Variants in GMDS observed in about 807,000 individuals in gnomAD.
GMDS encodes GDP-mannose 4,6 dehydratase.
GMDS carries 20 observed loss-of-function variants against 49.9 expected under a neutral mutation model. That is an observed-to-expected ratio of 0.40 (90% CI 0.28 to 0.58). The LOEUF is 0.58. Among genes scored for constraint, GMDS ranks in the 20% least tolerant of loss-of-function variants. GMDS has a pLI of 0.42. For missense variants in GMDS, 362 were observed against 481.4 expected (o/e 0.75, Z 2.32); for synonymous variants, 177 against 178.6 (o/e 0.99, Z 0.07).
intron 7 of GMDS, among the ~76,000 whole-genome samples, chr6:1,882,946 T>A (rs1444402085): frequency 1.3e-5 from 2 of 152,204 alleles, no homozygotes; most frequent in African/African-American, 4.8e-5. Context: ...AGAAACTGTG[T>A]ATGTAATCTA....
intron 7 of GMDS, among the ~76,000 whole-genome samples, chr6:1,882,408 T>C (rs1185150727): frequency 6.6e-6 from 1 of 152,234 alleles, no homozygotes; most frequent in African/African-American, 2.4e-5. Context: ...TAAGTACAAC[T>C]GTATACACTC....
intron 1 of GMDS, among the ~76,000 whole-genome samples, chr6:2,180,847 A>C (rs1778487029): frequency 6.6e-6 from 1 of 152,166 alleles, no homozygotes; most frequent in East Asian, 1.9e-4. Context: ...TTCCTCTCCA[A>C]GTCATTTGTA....
intron 1 of GMDS, among the ~76,000 whole-genome samples, chr6:2,217,067 A>C (rs1422281620): frequency 1.3e-5 from 2 of 152,210 alleles, no homozygotes; most frequent in African/African-American, 4.8e-5. Flanking sequence ...CTGAGCGCTC[A>C]GCACGTGGAC....
At chr6:2,057,703 T>C (rs952073650) in intron 4 of GMDS, among the ~76,000 whole-genome samples, 2 of 152,176 alleles carry the variant, frequency 1.3e-5, no homozygotes, top group Admixed American at 1.3e-4. Context: ...CAGGGAGGTA[T>C]GGAGAAATAA....
chr6:1,898,072 CTGGCCTCCCTTGCCA>C, intron 7 of GMDS, among the ~76,000 whole-genome samples: 1 of 129,134 alleles, frequency 7.7e-6, no homozygotes, highest in African/African-American at 2.8e-5. Context: ...GACACCTACC[CTGGCCTCCCTTGCCA>C]TCCTGGACAC....
intron 1 of GMDS, among the ~76,000 whole-genome samples, chr6:2,146,140 T>C (rs1185389011): frequency 6.6e-6 from 1 of 152,248 alleles, no homozygotes; most frequent in Non-Finnish European, 1.5e-5. Context: ...CAAAGTTTGA[T>C]AAACTACCAA....
chr6:2,056,398 G>A (rs1054735039), intron 4 of GMDS, among the ~76,000 whole-genome samples: 2 of 152,236 alleles, frequency 1.3e-5, no homozygotes, highest in African/African-American at 2.4e-5. Flanking sequence ...TGTTTTTCTT[G>A]AGTTCCATCT....
chr6:1,698,113 T>C (rs1765406430), intron 9 of GMDS, among the ~76,000 whole-genome samples: 1 of 152,222 alleles, frequency 6.6e-6, no homozygotes, highest in African/African-American at 2.4e-5. Flanking sequence ...CACCAGAGTC[T>C]CACTTCCTCT....
At chr6:2,242,394 C>T (rs796872459) in intron 1 of GMDS, among the ~76,000 whole-genome samples, 26 of 152,314 alleles carry the variant, frequency 1.7e-4, no homozygotes, top group African/African-American at 6.0e-4. Flanking sequence ...AAGGTTCCCA[C>T]TTTGGAAAAG....
chr6:1,742,679 G>A, intron 7 of GMDS, 93 bp from the exon 8 acceptor site: 1 of 679,570 alleles, frequency 1.5e-6, no homozygotes, highest in Non-Finnish European at 2.7e-6. Flanking sequence ...GACATCGACA[G>A]CTGGAACATG....
chr6:2,215,275 G>A (rs1244586924), intron 1 of GMDS, among the ~76,000 whole-genome samples: 3 of 152,088 alleles, frequency 2.0e-5, no homozygotes, highest in Admixed American at 6.5e-5. Flanking sequence ...TTATTAGTCC[G>A]TTTTCAAGCT....
intron 9 of GMDS, among the ~76,000 whole-genome samples, chr6:1,637,082 C>A (rs56099815): frequency 0.1 from 15,777 of 152,326 alleles, 1,059 homozygotes; most frequent in Non-Finnish European, 0.15. Context: ...CTCCAGGCAG[C>A]TGTGGCAGCA....
intron 1 of GMDS, among the ~76,000 whole-genome samples, chr6:2,175,187 GTTTT>G (rs1778213992): frequency 6.6e-6 from 1 of 151,794 alleles, no homozygotes; most frequent in Admixed American, 6.5e-5. Context: ...AAAAGGAGAT[GTTTT>G]ATTTATTAAT....
At chr6:1,944,316 C>T (rs568006055) in intron 6 of GMDS, among the ~76,000 whole-genome samples, 1 of 152,256 alleles carries the variant, frequency 6.6e-6, no homozygotes, top group South Asian at 2.1e-4. Context: ...ACCATCCTGG[C>T]TAACACAGTG....
At chr6:1,984,727 A>G (rs982198731) in intron 4 of GMDS, among the ~76,000 whole-genome samples, 4 of 152,182 alleles carry the variant, frequency 2.6e-5, no homozygotes, top group Non-Finnish European at 4.4e-5. Context: ...ACACCCTTCT[A>G]AAGTATAATG....
intron 4 of GMDS, among the ~76,000 whole-genome samples, chr6:2,069,842 T>C (rs1480114720): frequency 1.3e-5 from 2 of 152,094 alleles, no homozygotes; most frequent in Admixed American, 6.5e-5. Context: ...AGTTCAACCA[T>C]TGTGGAAGTC....
chr6:2,065,677 G>C (rs1771529840), intron 4 of GMDS, among the ~76,000 whole-genome samples: 1 of 152,128 alleles, frequency 6.6e-6, no homozygotes, highest in South Asian at 2.1e-4. Flanking sequence ...ATCAGCAATG[G>C]AAGATGAAAT....
At chr6:1,871,086 A>T (rs1049867262) in intron 7 of GMDS, among the ~76,000 whole-genome samples, 8 of 150,398 alleles carry the variant, frequency 5.3e-5, no homozygotes, top group African/African-American at 2.0e-4. Flanking sequence ...ACACACACAC[A>T]CTTAAACCAC....
intron 7 of GMDS, among the ~76,000 whole-genome samples, chr6:1,774,803 GA>G (rs1561795669): frequency 6.6e-6 from 1 of 152,236 alleles, no homozygotes; most frequent in African/African-American, 2.4e-5. Flanking sequence ...TCATCTGATT[GA>G]ATCAGTGTGG....
Sources: allele counts gnomAD v4.1 joint callset (sites outside exome capture counted in the v4.1 genomes callset), GRCh38; gene constraint gnomAD v4.1.1; transcripts MANE v1.5; gene names NCBI Gene and HGNC (gene_info 2026-07-23, HGNC 2026-07-21).